CADM2: variants seen among roughly 807,000 people sequenced by gnomAD.
CADM2 encodes cell adhesion molecule 2.
Under a neutral mutation model 49.8 loss-of-function variants are expected in CADM2, and 12 were observed. That is an observed-to-expected ratio of 0.24 (90% CI 0.15 to 0.39). CADM2 has a LOEUF of 0.39. Ranked by LOEUF, CADM2 falls within the 10% of genes least tolerant of loss-of-function variation. The pLI, the probability that CADM2 is intolerant of heterozygous loss-of-function variation, is 1.00. For missense variants in CADM2, 378 were observed against 492.3 expected, an observed-to-expected ratio of 0.77 and a Z score of 2.20; for synonymous variants, 214 against 175.4, an observed-to-expected ratio of 1.22 and a Z score of -1.74.
At chr3:85,533,068 G>C (rs1277442664) in intron 1 of CADM2, among the ~76,000 whole-genome samples, 1 of 152,046 alleles carries the variant, frequency 6.6e-6, no homozygotes, top group Non-Finnish European at 1.5e-5. Flanking sequence ...CTTAATACTT[G>C]GGTGTTTAAA....
chr3:85,158,032 A>T (rs1321989939), intron 1 of CADM2, among the ~76,000 whole-genome samples: 1 of 152,252 alleles, frequency 6.6e-6, no homozygotes, highest in Non-Finnish European at 1.5e-5. Flanking sequence ...TCGGCGAAGG[A>T]CATGAACAGA....
intron 1 of CADM2, among the ~76,000 whole-genome samples, chr3:85,382,942 A>G (rs1189832360): frequency 6.6e-6 from 1 of 152,194 alleles, no homozygotes; most frequent in Non-Finnish European, 1.5e-5. Flanking sequence ...CTGTACTTCC[A>G]TATTTGAGTC....
rs544943952 is a variant in CADM2 at position 85,418,683 on chromosome 3, T to C, written c.62-307839T>C. Among the ~76,000 whole-genome samples, 32 of 152,300 alleles carry C rather than the reference T, an allele frequency of 2.1e-4. No homozygotes were observed. In the South Asian group the frequency reaches 5.0e-3, roughly 24 times the overall value. The stretch of plus-strand genomic sequence containing the variant: ...AATCTCCAAAAAGTTGAATAATTCT[T>C]GTGTCTATTGAAACATTCATAAATA... On this transcript the variant is annotated intron_variant, in intron 1 of 9. Transcript: ENST00000383699.
At chr3:85,422,800 G>A (rs1338715230) in intron 1 of CADM2, among the ~76,000 whole-genome samples, 1 of 151,958 alleles carries the variant, frequency 6.6e-6, no homozygotes, top group Non-Finnish European at 1.5e-5. Flanking sequence ...ACACACAGGT[G>A]AGCAGGTACA....
intron 1 of CADM2, among the ~76,000 whole-genome samples, chr3:85,637,622 A>T (rs867003040): frequency 1.0e-4 from 13 of 127,356 alleles, no homozygotes; most frequent in African/African-American, 1.7e-4. Flanking sequence ...AAAAAAAAAA[A>T]AAATAAAATA....
chr3:85,027,537 C>T (rs2034791829), intron 1 of CADM2, among the ~76,000 whole-genome samples: 1 of 151,746 alleles, frequency 6.6e-6, no homozygotes, highest in Non-Finnish European at 1.5e-5. Flanking sequence ...ACTTGACTAC[C>T]ACTTTTATAT....
chr3:85,006,537 C>G (rs1201395250), intron 1 of CADM2, among the ~76,000 whole-genome samples: 1 of 152,108 alleles, frequency 6.6e-6, no homozygotes, highest in Non-Finnish European at 1.5e-5. Flanking sequence ...TTCTAGAATG[C>G]AATTCTTATA....
At chr3:85,020,604 C>A (rs2034455296) in intron 1 of CADM2, among the ~76,000 whole-genome samples, 1 of 152,046 alleles carries the variant, frequency 6.6e-6, no homozygotes, top group African/African-American at 2.4e-5. Context: ...TAAAGCAAAA[C>A]ATCCTTTATT....
chr3:85,051,486 G>A (rs1450539391), intron 1 of CADM2, among the ~76,000 whole-genome samples: 3 of 152,156 alleles, frequency 2.0e-5, no homozygotes, highest in African/African-American at 7.2e-5. Context: ...TACTCCCAAA[G>A]TATAGCTAAC....
intron 1 of CADM2, among the ~76,000 whole-genome samples, chr3:85,660,434 T>G (rs1324592727): frequency 7.8e-6 from 1 of 128,280 alleles, no homozygotes; most frequent in African/African-American, 2.6e-5. Context: ...GGCTTTTCGC[T>G]CTCCTGTTTT....
At chr3:85,925,881 T>C (rs543339141) in intron 6 of CADM2, among the ~76,000 whole-genome samples, 1 of 152,250 alleles carries the variant, frequency 6.6e-6, no homozygotes, top group East Asian at 1.9e-4. Context: ...CTCACGCCTG[T>C]AATCCCAGCA....
intron 1 of CADM2, among the ~76,000 whole-genome samples, chr3:85,553,307 C>CT (rs5850693): frequency 0.51 from 77,441 of 151,232 alleles, 22,811 homozygotes; most frequent in East Asian, 0.85. Context: ...TGTTTTATTT[C>CT]TTTTTTTTAA....
At chr3:85,199,565 G>T (rs181292317) in intron 1 of CADM2, among the ~76,000 whole-genome samples, 43 of 151,126 alleles carry the variant, frequency 2.8e-4, no homozygotes, top group African/African-American at 1.0e-3. Context: ...GCCTAGCATT[G>T]TACATGTTGA....
At chr3:85,261,349 C>T (rs1271200337) in intron 1 of CADM2, among the ~76,000 whole-genome samples, 7 of 151,820 alleles carry the variant, frequency 4.6e-5, no homozygotes, top group African/African-American at 1.5e-4. Flanking sequence ...TTGGCCAGGC[C>T]GGTCTTGAAC....
chr3:85,421,890 T>A (rs1388817838), intron 1 of CADM2, among the ~76,000 whole-genome samples: 1 of 152,226 alleles, frequency 6.6e-6, no homozygotes, highest in African/African-American at 2.4e-5. Context: ...TTTTATCTAT[T>A]TCTTGACATT....
chr3:85,239,901 C>T (rs1308954508), intron 1 of CADM2, among the ~76,000 whole-genome samples: 1 of 151,248 alleles, frequency 6.6e-6, no homozygotes, highest in East Asian at 1.9e-4. Context: ...TGGAAATATA[C>T]TTAAAAATTT....
At chr3:85,991,845 T>C (rs140766858) in intron 8 of CADM2, among the ~76,000 whole-genome samples, 5 of 152,242 alleles carry the variant, frequency 3.3e-5, no homozygotes, top group African/African-American at 1.2e-4. Flanking sequence ...TTGCTATCAT[T>C]GATTTATAAA....
chr3:85,637,281 C>A (rs957342358), intron 1 of CADM2, among the ~76,000 whole-genome samples: 2 of 151,990 alleles, frequency 1.3e-5, no homozygotes, highest in African/African-American at 4.8e-5. Context: ...TGTTCTAGAA[C>A]GTCTTGAAAT....
intron 8 of CADM2, chr3:85,992,195 GATTTT>G (rs1728862510): frequency 6.6e-6 from 1 of 151,896 alleles, no homozygotes; most frequent in South Asian, 2.1e-4. Context: ...TATTCTCAGA[GATTTT>G]ATTTTAAACA....
Sources: gnomAD v4.1 joint callset for allele counts (sites outside exome capture counted in the v4.1 genomes callset) on GRCh38, gnomAD v4.1.1 for gene constraint, MANE v1.5 for transcripts, NCBI Gene and HGNC (gene_info 2026-07-23, HGNC 2026-07-21) for gene names.